Variants in STARD13 observed in about 807,000 individuals in gnomAD.
The protein encoded by STARD13 is StAR related lipid transfer domain containing 13, also known as stAR-related lipid transfer protein 13.
Under a neutral mutation model 106.4 loss-of-function variants are expected in STARD13, and 62 were observed. The observed-to-expected ratio is 0.58, with a 90% CI of 0.48 to 0.72. The LOEUF (loss-of-function observed/expected upper bound fraction) is 0.72. Among genes scored for constraint, STARD13 ranks in the 30% least tolerant of loss-of-function variants. The pLI is 0.00. For missense variants in STARD13, 1,387 were observed against 1,424.0 expected, an observed-to-expected ratio of 0.97 and a Z score of 0.42; for synonymous variants, 565 against 553.0, an observed-to-expected ratio of 1.02 and a Z score of -0.31.
chr13:33,515,510 G>C, the STARD13 span, among the ~76,000 whole-genome samples: 1 of 152,166 alleles, frequency 6.6e-6, no homozygotes, highest in African/African-American at 2.4e-5. Flanking sequence ...AGCTGGCACA[G>C]GAGAAATGAA....
At chr13:33,400,670 A>G in the STARD13 span, among the ~76,000 whole-genome samples, 22 of 152,066 alleles carry the variant, frequency 1.4e-4, no homozygotes, top group East Asian at 1.9e-4. Context: ...TCACTGTGTT[A>G]GCCAGGATGG....
chr13:33,266,380 TTATC>T (rs1288823475), intron 1 of STARD13, among the ~76,000 whole-genome samples: 1 of 152,216 alleles, frequency 6.6e-6, no homozygotes, highest in Non-Finnish European at 1.5e-5. Flanking sequence ...AAACCCATGT[TTATC>T]TATTCATCTT....
chr13:33,116,645 T>C lies in STARD13; in HGVS notation c.2281+1420A>G, dbSNP rs1265436749. Among the ~76,000 whole-genome samples, 6 of 152,232 alleles carry C rather than the reference T, an allele frequency of 3.9e-5. No homozygotes were observed. The East Asian group carries it at 1.2e-3, about 29-fold the overall frequency. On this transcript the variant is annotated intron_variant, in intron 8 of 13. Coordinates refer to ENST00000336934, the MANE Select transcript of STARD13 (RefSeq NM_178006.4). ...GTGTCAACTTTAATCCAAGAACTGA[T>C]TAAATGTAAAAGACTCATATCTGAT...
At chr13:33,394,102 A>G in the STARD13 span, among the ~76,000 whole-genome samples, 6 of 152,214 alleles carry the variant, frequency 3.9e-5, no homozygotes, top group Non-Finnish European at 8.8e-5. Context: ...AAAATACAAT[A>G]TGAACATCCT....
At chr13:33,619,280 T>C in the STARD13 span, among the ~76,000 whole-genome samples, 1 of 152,144 alleles carries the variant, frequency 6.6e-6, no homozygotes, top group Non-Finnish European at 1.5e-5. Flanking sequence ...AGTTTACTTG[T>C]TTGCCAGACA....
At chr13:33,465,647 A>T in the STARD13 span, among the ~76,000 whole-genome samples, 1 of 152,300 alleles carries the variant, frequency 6.6e-6, no homozygotes, top group East Asian at 1.9e-4. Context: ...ATCCGAACTC[A>T]TATCACTCTC....
At chr13:33,327,001 T>C (rs915090975) in intron 1 of STARD13, among the ~76,000 whole-genome samples, 1 of 152,226 alleles carries the variant, frequency 6.6e-6, no homozygotes, top group Non-Finnish European at 1.5e-5. Flanking sequence ...AATTCTGACC[T>C]TCTAGGACTG....
chr13:33,508,111 G>A, the STARD13 span, among the ~76,000 whole-genome samples: 541 of 152,236 alleles, frequency 3.6e-3, 2 homozygotes, highest in African/African-American at 0.013. Context: ...GGGAATACAG[G>A]CTTTTTGATT....
upstream of STARD13, among the ~76,000 whole-genome samples, chr13:33,352,956 T>C (rs2078092969): frequency 6.6e-6 from 1 of 152,180 alleles, no homozygotes; most frequent in African/African-American, 2.4e-5. Context: ...GGTAACCCCC[T>C]AGCCCTACCT....
At chr13:33,193,628 AC>A (rs1340635810) in intron 1 of STARD13, among the ~76,000 whole-genome samples, 2 of 152,154 alleles carry the variant, frequency 1.3e-5, no homozygotes, top group Non-Finnish European at 2.9e-5. Flanking sequence ...CAGGATTCAA[AC>A]CCAGACATAC....
chr13:33,426,216 T>G, the STARD13 span, among the ~76,000 whole-genome samples: 2 of 152,200 alleles, frequency 1.3e-5, no homozygotes. Flanking sequence ...GCATATATGT[T>G]TTTGGTGATG....
the STARD13 span, among the ~76,000 whole-genome samples, chr13:33,442,228 C>T: frequency 1.8e-4 from 27 of 152,252 alleles, no homozygotes; most frequent in East Asian, 1.3e-3. Flanking sequence ...TTCTCACTTA[C>T]GAACTAAGAG....
the STARD13 span, among the ~76,000 whole-genome samples, chr13:33,510,101 T>C: frequency 6.6e-6 from 1 of 152,226 alleles, no homozygotes; most frequent in Non-Finnish European, 1.5e-5. Context: ...GGAAGTTTTA[T>C]TGCAGTGATG....
intron 1 of STARD13, among the ~76,000 whole-genome samples, chr13:33,291,664 G>C (rs141648592): frequency 2.6e-5 from 4 of 152,266 alleles, no homozygotes; most frequent in African/African-American, 9.6e-5. Flanking sequence ...CTGTTCTCAA[G>C]GGACTGTCTG....
the STARD13 span, among the ~76,000 whole-genome samples, chr13:33,538,633 G>C: frequency 2.1e-5 from 3 of 145,796 alleles, no homozygotes; most frequent in South Asian, 2.1e-4. Flanking sequence ...TCAGAGCCCA[G>C]TATTTTTTTT....
chr13:33,289,957 G>T (rs7333663), upstream of STARD13, among the ~76,000 whole-genome samples: 2 of 151,702 alleles, frequency 1.3e-5, no homozygotes, highest in African/African-American at 4.8e-5. Context: ...CTAATGCTGC[G>T]TATGCCTTGA....
At chr13:33,570,614 C>G in the STARD13 span, among the ~76,000 whole-genome samples, 1 of 121,724 alleles carries the variant, frequency 8.2e-6, no homozygotes, top group East Asian at 2.6e-4. Flanking sequence ...TACTTCCAAC[C>G]TGTTTACTGA....
chr13:33,362,923 A>G, the STARD13 span, among the ~76,000 whole-genome samples: 2 of 152,246 alleles, frequency 1.3e-5, no homozygotes, highest in Non-Finnish European at 2.9e-5. Context: ...TCAAGGAATC[A>G]CACATCATTT....
intron 4 of STARD13, among the ~76,000 whole-genome samples, chr13:33,136,122 A>G (rs1044116202): frequency 6.8e-6 from 1 of 146,190 alleles, no homozygotes. Flanking sequence ...CTCTACCTCA[A>G]AAAAAAAAAA....
Sources: gnomAD v4.1 joint callset for allele counts (sites outside exome capture counted in the v4.1 genomes callset) on GRCh38, gnomAD v4.1.1 for gene constraint, MANE v1.5 for transcripts, NCBI Gene and HGNC (gene_info 2026-07-23, HGNC 2026-07-21) for gene names.